EPHA6: variants seen among roughly 807,000 people sequenced by gnomAD.
The protein encoded by EPHA6 is ephrin type-A receptor 6.
EPHA6 carries 50 observed loss-of-function variants against 112.0 expected under a neutral mutation model. The ratio of observed to expected loss-of-function variants is 0.45; its 90% CI spans 0.36 to 0.56. EPHA6 has a LOEUF of 0.56. Ranked by LOEUF, EPHA6 falls within the 20% of genes least tolerant of loss-of-function variation. EPHA6 has a pLI of 0.00. For synonymous variants in EPHA6, 529 were observed against 490.7 expected, an observed-to-expected ratio of 1.08 and a Z score of -1.03; for missense variants, 1,280 against 1,417.4, an observed-to-expected ratio of 0.90 and a Z score of 1.56.
At chr3:96,988,082 A>G (rs2043086249) in intron 3 of EPHA6, 89 bp downstream of exon 3, 1 of 1,023,028 alleles carries the variant, frequency 9.8e-7, no homozygotes, top group Admixed American at 2.9e-5. Flanking sequence ...GTAATTGTGC[A>G]TATTCATGGG....
intron 16 of EPHA6, among the ~76,000 whole-genome samples, chr3:97,739,325 T>C (rs2035404475): frequency 6.6e-6 from 1 of 152,054 alleles, no homozygotes; most frequent in South Asian, 2.1e-4. Flanking sequence ...TATGCTGATA[T>C]TACTCTCTCA....
chr3:97,538,979 C>CTT (rs2092800726), intron 11 of EPHA6, among the ~76,000 whole-genome samples: 3 of 148,904 alleles, frequency 2.0e-5, no homozygotes, highest in East Asian at 2.0e-4. Context: ...GACACTTTCT[C>CTT]TCTCTTTCTT....
intron 11 of EPHA6, among the ~76,000 whole-genome samples, chr3:97,537,720 A>G (rs1217216937): frequency 6.6e-6 from 1 of 152,128 alleles, no homozygotes; most frequent in African/African-American, 2.4e-5. Context: ...CTGGGATCAC[A>G]GGTGTACGCC....
At chr3:97,060,275 A>G (rs2045978039) in intron 3 of EPHA6, among the ~76,000 whole-genome samples, 1 of 152,220 alleles carries the variant, frequency 6.6e-6, no homozygotes, top group African/African-American at 2.4e-5. Context: ...GAAGTTAAAT[A>G]ATCAATATGG....
chr3:97,141,887 C>T (rs2075915676), intron 3 of EPHA6, among the ~76,000 whole-genome samples: 1 of 151,880 alleles, frequency 6.6e-6, no homozygotes, highest in Non-Finnish European at 1.5e-5. Context: ...AAAGGATTAA[C>T]CCTTTTCTGA....
intron 5 of EPHA6, among the ~76,000 whole-genome samples, chr3:97,254,891 A>G (rs2079257244): frequency 6.6e-6 from 1 of 152,194 alleles, no homozygotes; most frequent in South Asian, 2.1e-4. Flanking sequence ...TTCAGGAGAT[A>G]GAAGGTCACC....
At chr3:97,355,155 A>G (rs2084005248) in intron 5 of EPHA6, among the ~76,000 whole-genome samples, 1 of 152,180 alleles carries the variant, frequency 6.6e-6, no homozygotes. Flanking sequence ...TTAAGAAGCA[A>G]TAAGAAATCA....
At chr3:97,234,176 A>G (rs959989710) in intron 4 of EPHA6, among the ~76,000 whole-genome samples, 3 of 152,126 alleles carry the variant, frequency 2.0e-5, no homozygotes, top group African/African-American at 7.2e-5. Flanking sequence ...TTCAAAGCTA[A>G]TCCTTCCAAT....
At chr3:97,682,573 C>T (rs781007283) in intron 14 of EPHA6, among the ~76,000 whole-genome samples, 117 of 152,120 alleles carry the variant, frequency 7.7e-4, no homozygotes, top group Non-Finnish European at 1.6e-3. Flanking sequence ...TATGATCCCT[C>T]ATTGCTCATC....
chr3:97,064,507 C>T (rs1195964317), intron 3 of EPHA6, among the ~76,000 whole-genome samples: 1 of 152,138 alleles, frequency 6.6e-6, no homozygotes, highest in African/African-American at 2.4e-5. Flanking sequence ...TTCAAGAGAT[C>T]AGAGACTATT....
At chr3:97,030,686 A>T (rs574973309) in intron 3 of EPHA6, among the ~76,000 whole-genome samples, 1 of 152,032 alleles carries the variant, frequency 6.6e-6, no homozygotes, top group Non-Finnish European at 1.5e-5. Flanking sequence ...TTTAATGAGG[A>T]GTTTGTAAAT....
At position 96,874,509 on chromosome 3, in the gene EPHA6, T is replaced by C. The variant is rs893778802; in HGVS notation, c.450+7620T>C. 9.2e-5 allele frequency among the ~76,000 whole-genome samples: 14 copies of C among 152,258 alleles called. No homozygotes were observed. The East Asian group carries it at 2.1e-3, about 23-fold the overall frequency. ...GGACTAGTCTAGTCCAAAAAACTTA[T>C]AGAAATAATTACATTTGAAATGATA... On this transcript the variant is annotated intron_variant, in intron 2 of 17. Transcript: ENST00000389672.
chr3:97,546,554 C>T (rs1039070799), intron 11 of EPHA6, among the ~76,000 whole-genome samples: 1 of 152,058 alleles, frequency 6.6e-6, no homozygotes, highest in African/African-American at 2.4e-5. Context: ...TGGGGTTGCT[C>T]TTCTCGAAGA....
At chr3:97,099,205 G>T (rs1033854923) in intron 3 of EPHA6, among the ~76,000 whole-genome samples, 5 of 151,742 alleles carry the variant, frequency 3.3e-5, no homozygotes, top group African/African-American at 1.2e-4. Context: ...CACAGTTGAG[G>T]TATCTATTTT....
At chr3:97,260,006 G>A (rs954767061) in intron 5 of EPHA6, among the ~76,000 whole-genome samples, 1 of 152,044 alleles carries the variant, frequency 6.6e-6, no homozygotes, top group Non-Finnish European at 1.5e-5. Context: ...TCACCATATT[G>A]GTCAGGCTGG....
At chr3:97,187,688 G>GGAAAGAAAGAAAGAAAGAAA (rs71113853) in intron 3 of EPHA6, among the ~76,000 whole-genome samples, 48 of 108,076 alleles carry the variant, frequency 4.4e-4, no homozygotes, top group Middle Eastern at 4.5e-3. Context: ...AAAGAAAGAA[G>GGAAAGAAAGAAAGAAAGAAA]GAAAGAAAGA....
At chr3:97,556,539 T>C (rs1317922931) in intron 11 of EPHA6, among the ~76,000 whole-genome samples, 2 of 152,002 alleles carry the variant, frequency 1.3e-5, no homozygotes, top group Admixed American at 6.6e-5. Context: ...TCAGATCTTT[T>C]AAGAACTCAC....
chr3:97,551,400 A>T (rs2093027058), intron 11 of EPHA6, among the ~76,000 whole-genome samples: 1 of 152,152 alleles, frequency 6.6e-6, no homozygotes, highest in Non-Finnish European at 1.5e-5. Context: ...GGTTATATCA[A>T]TCACTGTTGG....
At chr3:97,318,346 G>C (rs1282371859) in intron 5 of EPHA6, among the ~76,000 whole-genome samples, 1 of 152,006 alleles carries the variant, frequency 6.6e-6, no homozygotes, top group Non-Finnish European at 1.5e-5. Context: ...TAAAAGCAGA[G>C]ATCCAGCTAA....
Sources: gnomAD v4.1 joint callset for allele counts (sites outside exome capture counted in the v4.1 genomes callset) on GRCh38, gnomAD v4.1.1 for gene constraint, MANE v1.5 for transcripts, NCBI Gene and HGNC (gene_info 2026-07-23, HGNC 2026-07-21) for gene names.